The following TXNDC16 variants were observed in gnomAD, a reference collection of about 807,000 sequenced individuals.
TXNDC16 encodes thioredoxin domain-containing protein 16.
In TXNDC16, 74 loss-of-function variants were observed where a neutral mutation model predicts 85.6. That is an observed-to-expected ratio of 0.86 (90% confidence interval 0.72 to 1.05). The LOEUF (loss-of-function observed/expected upper bound fraction) is 1.05. Ranked by LOEUF, TXNDC16 falls within the 50% of genes least tolerant of loss-of-function variation. TXNDC16 has a pLI of 0.00. For synonymous variants in TXNDC16, 335 were observed against 326.5 expected, an observed-to-expected ratio of 1.03 and a Z score of -0.28; for missense variants, 959 against 947.0, an observed-to-expected ratio of 1.01 and a Z score of -0.17.
chr14:52,537,459 C>A, intron 5 of TXNDC16, 140 bp downstream of exon 5: 1 of 650,340 alleles, frequency 1.5e-6, no homozygotes, highest in South Asian at 1.7e-5. Flanking sequence ...GGTAACAAAT[C>A]TATTACTTGG....
chr14:52,457,392 T>C (rs184675706), intron 16 of TXNDC16, among the ~76,000 whole-genome samples: 1 of 152,338 alleles, frequency 6.6e-6, no homozygotes, highest in East Asian at 1.9e-4. Flanking sequence ...TAATGCAACA[T>C]GGCTTCCAAA....
At chr14:52,531,187 T>C (rs1187015708) in intron 6 of TXNDC16, among the ~76,000 whole-genome samples, 1 of 152,144 alleles carries the variant, frequency 6.6e-6, no homozygotes, top group Non-Finnish European at 1.5e-5. Flanking sequence ...GACAAGGATG[T>C]GGAACAACAG....
At chr14:52,458,069 G>T (rs2035573569) in intron 16 of TXNDC16, among the ~76,000 whole-genome samples, 1 of 152,164 alleles carries the variant, frequency 6.6e-6, no homozygotes, top group Non-Finnish European at 1.5e-5. Context: ...TGAACCCAAA[G>T]ATCTGTACCT....
At chr14:52,514,182 T>G (rs557771877) in intron 8 of TXNDC16, among the ~76,000 whole-genome samples, 1 of 152,142 alleles carries the variant, frequency 6.6e-6, no homozygotes, top group African/African-American at 2.4e-5. Flanking sequence ...CCTCTAAATG[T>G]AGAGCTGTAA....
intron 18 of TXNDC16, 24 bp from the exon 19 acceptor site, chr14:52,440,748 C>A: frequency 6.3e-7 from 1 of 1,595,874 alleles, no homozygotes; most frequent in African/African-American, 1.4e-5. Flanking sequence ...GGAATAACAA[C>A]AATAAAAAAT....
At chr14:52,533,939 G>A (rs1479665268) in intron 6 of TXNDC16, among the ~76,000 whole-genome samples, 2 of 152,138 alleles carry the variant, frequency 1.3e-5, no homozygotes, top group South Asian at 2.1e-4. Flanking sequence ...TAAGCATAGG[G>A]GCCTGAAGGA....
chr14:52,550,257 A>G (rs1357095275), intron 1 of TXNDC16, among the ~76,000 whole-genome samples: 3 of 152,248 alleles, frequency 2.0e-5, no homozygotes, highest in Admixed American at 1.3e-4. Flanking sequence ...AATGGAGTAT[A>G]TAACGCTTAC....
intron 6 of TXNDC16, among the ~76,000 whole-genome samples, chr14:52,521,131 G>C (rs78217876): frequency 1.2e-4 from 18 of 149,584 alleles, no homozygotes; most frequent in African/African-American, 4.4e-4. Context: ...TTTTTTTTTT[G>C]AGACGAAGTC....
chr14:52,480,747 T>C (rs1157644697), intron 14 of TXNDC16, among the ~76,000 whole-genome samples: 1 of 151,996 alleles, frequency 6.6e-6, no homozygotes, highest in Non-Finnish European at 1.5e-5. Context: ...GTACAACCAC[T>C]GTGGAAAACA....
intron 9 of TXNDC16, among the ~76,000 whole-genome samples, chr14:52,496,414 T>C (rs1378374763): frequency 7.3e-6 from 1 of 137,230 alleles, no homozygotes; most frequent in Non-Finnish European, 1.5e-5. Context: ...GCCCTCCAAC[T>C]CGTCTTTTTT....
At chr14:52,499,131 G>T (rs760537246) in intron 9 of TXNDC16, among the ~76,000 whole-genome samples, 21 of 152,090 alleles carry the variant, frequency 1.4e-4, no homozygotes, top group Admixed American at 5.2e-4. Flanking sequence ...GCAAAAGAAT[G>T]AAAATGGACC....
At chr14:52,474,901 C>T (rs1342822130) in intron 14 of TXNDC16, among the ~76,000 whole-genome samples, 2 of 152,154 alleles carry the variant, frequency 1.3e-5, no homozygotes, top group Non-Finnish European at 2.9e-5. Context: ...TGCAGCAATA[C>T]ATTAGGAAAG....
chr14:52,503,259 G>C (rs971524379), intron 9 of TXNDC16, among the ~76,000 whole-genome samples: 1 of 152,196 alleles, frequency 6.6e-6, no homozygotes, highest in Non-Finnish European at 1.5e-5. Context: ...CTTGAGATCT[G>C]AGAACAGACT....
chr14:52,450,713 G>GA (rs2035387157), intron 18 of TXNDC16, among the ~76,000 whole-genome samples: 1 of 151,940 alleles, frequency 6.6e-6, no homozygotes, highest in Admixed American at 6.6e-5. Flanking sequence ...ATTCCTTAAA[G>GA]AACTAAAAGT....
intron 14 of TXNDC16, among the ~76,000 whole-genome samples, chr14:52,474,682 AT>A (rs1186347047): frequency 6.6e-6 from 1 of 151,996 alleles, no homozygotes; most frequent in East Asian, 1.9e-4. Context: ...GTGAGCTGAG[AT>A]CATGCCATTG....
At chr14:52,530,770 A>C (rs922256027) in intron 6 of TXNDC16, among the ~76,000 whole-genome samples, 1 of 147,882 alleles carries the variant, frequency 6.8e-6, no homozygotes, top group Admixed American at 7.1e-5. Flanking sequence ...TGTGTATTAG[A>C]AGATAACAGA....
At chr14:52,520,389 C>G (rs140153381) in intron 6 of TXNDC16, among the ~76,000 whole-genome samples, 1 of 152,042 alleles carries the variant, frequency 6.6e-6, no homozygotes, top group East Asian at 1.9e-4. Context: ...TTTGGGAGGC[C>G]GAGGCGGGCG....
At position 52,482,864 on chromosome 14, in the gene TXNDC16, T is replaced by C. The variant is rs113511730; in HGVS notation, c.1210A>G (p.Thr404Ala). The C allele has an allele frequency of 6.2e-7, 1 of 1,612,334 alleles. No individual in the cohort carries two copies. Among genetic ancestry groups the C allele is most frequent in the Non-Finnish European group, 8.5e-7 (1 of 1,179,396 alleles). Reference sequence around the variant, plus strand: ...ACTATGCTGTCAGAAGCCATCACTGTTGCATTAAATGTTTCTTCTGTTAGT... The same window carrying C: ...ACTATGCTGTCAGAAGCCATCACTGCTGCATTAAATGTTTCTTCTGTTAGT... Reference protein sequence around the residue: ...VELTEETFNATVMASDSIVLF... With the variant: ...VELTEETFNAAVMASDSIVLF... Residue 404 changes from threonine to alanine, a missense_variant, in exon 13 of 21, where the codon ACA (threonine) becomes GCA (alanine). Physicochemically the swap from Thr to Ala is moderately conservative, Grantham distance 58. Transcript: ENST00000281741.
intron 9 of TXNDC16, among the ~76,000 whole-genome samples, chr14:52,504,561 C>A (rs1050670777): frequency 1.3e-5 from 2 of 152,166 alleles, no homozygotes; most frequent in South Asian, 4.1e-4. Flanking sequence ...AAAAGAGCTC[C>A]TGAAGGAAGC....
Sources: allele counts gnomAD v4.1 joint callset (sites outside exome capture counted in the v4.1 genomes callset), GRCh38; gene constraint gnomAD v4.1.1; transcripts MANE v1.5; gene names NCBI Gene and HGNC (gene_info 2026-07-23, HGNC 2026-07-21).